Variants in ITGB1 observed in about 807,000 individuals in gnomAD.
The protein encoded by ITGB1 is integrin beta-1.
In ITGB1, 24 loss-of-function variants were observed where a neutral mutation model predicts 86.5. The observed-to-expected ratio is 0.28, with a 90% CI of 0.20 to 0.39. The LOEUF (loss-of-function observed/expected upper bound fraction) is 0.39, where lower values mean the gene tolerates loss of function less well. Among genes scored for constraint, ITGB1 ranks in the 10% least tolerant of loss-of-function variants. The probability of loss-of-function intolerance (pLI) is 1.00; values close to 1 mark genes in which losing one functional copy is unlikely to be tolerated. For synonymous variants in ITGB1, 323 were observed against 316.8 expected, an observed-to-expected ratio of 1.02 and a Z score of -0.21; for missense variants, 556 against 946.9, an observed-to-expected ratio of 0.59 and a Z score of 5.42.
At chr10:32,936,795 A>G (rs2095003369) in intron 1 of ITGB1, among the ~76,000 whole-genome samples, 1 of 152,192 alleles carries the variant, frequency 6.6e-6, no homozygotes, top group South Asian at 2.1e-4. Context: ...CCAATCTAAT[A>G]ATTATATATA....
intron 11 of ITGB1, among the ~76,000 whole-genome samples, chr10:32,918,749 AG>A (rs1273709099): frequency 7.9e-5 from 12 of 152,244 alleles, no homozygotes; most frequent in South Asian, 2.1e-4. Context: ...TTACTATTCC[AG>A]GTGAACTGTC....
intron 1 of ITGB1, among the ~76,000 whole-genome samples, chr10:32,944,026 A>G (rs2095025274): frequency 6.6e-6 from 1 of 152,214 alleles, no homozygotes; most frequent in Non-Finnish European, 1.5e-5. Flanking sequence ...GCACGTGCCC[A>G]GGGACAGACA....
chr10:32,944,617 G>C (rs1159176265), intron 1 of ITGB1: 10 of 585,596 alleles, frequency 1.7e-5, no homozygotes, highest in Non-Finnish European at 3.3e-5. Context: ...CCCTATATGA[G>C]CTGAAAAATC....
In ITGB1 at chr10:32,956,153, C is replaced by T. The variant is rs527536596; in HGVS notation, c.-1+1992G>A. ...TTTAACACTTCACCATCTTCAGTCA[C>T]TTATATAATATTGATCAATGAGTCA... is the stretch of plus-strand genomic sequence containing the variant. On this transcript the variant is annotated intron_variant, in intron 1 of 15. Transcript: ENST00000302278. Among the ~76,000 whole-genome samples the T allele has an allele frequency of 2.3e-4, 35 of 152,276 alleles. 1 individual carries two copies. The South Asian group carries it at 7.3e-3, about 32-fold the overall frequency.
At chr10:32,934,551 T>C (rs912449927) in intron 2 of ITGB1, among the ~76,000 whole-genome samples, 4 of 152,148 alleles carry the variant, frequency 2.6e-5, no homozygotes, top group African/African-American at 9.7e-5. Flanking sequence ...CAAATACCAT[T>C]TTACCACATT....
Position 32,935,483 on chromosome 10 carries a change from T to C in ITGB1, c.67+9A>G. ...TGAAAAGACAACTAAGAAAATTTTT[T>C]GTTTTTACCTGTTTGAGCAAACACA... is the stretch of plus-strand genomic sequence containing the variant. On this transcript the variant is annotated intron_variant, in intron 2 of 15. Coordinates refer to ENST00000302278, the MANE Select transcript of ITGB1 (RefSeq NM_002211.4). The C allele has an allele frequency of 6.2e-7, 1 of 1,601,238 alleles. No homozygotes were observed. The highest frequency in any genetic ancestry group is 8.6e-7 in the Non-Finnish European group (1 of 1,168,514).
chr10:32,922,364 A>AAC lies in ITGB1; in HGVS notation c.1039-20_1039-19dup. The stretch of plus-strand genomic sequence containing the variant: ...TTCAGCTCCTGCAATTAAAAGATAA[A>AAC]ACACGTAAAATACAACTGCTATTCA... On this transcript the variant is annotated intron_variant, in intron 8 of 15. Coordinates refer to ENST00000302278, the MANE Select transcript of ITGB1 (RefSeq NM_002211.4). 2 of 1,531,150 alleles carry AAC rather than the reference A, an allele frequency of 1.3e-6. No individual in the cohort carries two copies. Among genetic ancestry groups the AAC allele is most frequent in the Non-Finnish European group, 1.8e-6 (2 of 1,107,888 alleles). The allele number at this position is 1,531,150 out of a possible 1,614,324, so 94.8% of individuals were successfully genotyped here. A position where few individuals can be genotyped will look rare whatever the true frequency, so the allele number is the denominator to read the frequency against.
At chr10:32,947,674 A>G (rs959815691) in intron 1 of ITGB1, among the ~76,000 whole-genome samples, 1 of 152,158 alleles carries the variant, frequency 6.6e-6, no homozygotes, top group East Asian at 1.9e-4. Flanking sequence ...ACTAACGATA[A>G]AAACAACTGG....
intron 1 of ITGB1, among the ~76,000 whole-genome samples, chr10:32,955,036 T>C (rs914970583): frequency 4.6e-5 from 7 of 152,194 alleles, no homozygotes; most frequent in African/African-American, 1.7e-4. Context: ...GCTGCTAATA[T>C]TCTGACTTTT....
rs11009146 is a variant in ITGB1 at position 32,920,079 on chromosome 10, T to C, written c.1275A>G (p.Gln425=). The change falls in exon 11 of 16, where the codon CAA becomes CAG. Residue 425 remains glutamine (Q), a synonymous_variant. Transcript: ENST00000302278. Reference sequence around the variant, plus strand: ...TATTTGAAGTTATGCTAATTTCAAATTGAACCTTGAAGGGAAAAAAAAGAT... The same window carrying C: ...TATTTGAAGTTATGCTAATTTCAAACTGAACCTTGAAGGGAAAAAAAAGAT... ...CSNISIGDEV[Q]FEISITSNKC... 3.7e-5 allele frequency: 60 copies of C among 1,612,990 alleles called. No homozygotes were observed. Among genetic ancestry groups the C allele is most frequent in the Middle Eastern group, 3.3e-4 (2 of 6,062 alleles).
intron 15 of ITGB1, among the ~76,000 whole-genome samples, chr10:32,906,882 A>T (rs1431519266): frequency 6.6e-6 from 1 of 152,218 alleles, no homozygotes; most frequent in Non-Finnish European, 1.5e-5. Flanking sequence ...CTGTTTCTAT[A>T]TCACATTACT....
At chr10:32,940,464 A>C (rs1352831358) in intron 1 of ITGB1, among the ~76,000 whole-genome samples, 2 of 152,232 alleles carry the variant, frequency 1.3e-5, no homozygotes, top group Non-Finnish European at 2.9e-5. Flanking sequence ...GACTGGCAGC[A>C]TGGTCGATTT....
chr10:32,906,515 G>T, intron 15 of ITGB1: 1 of 220,644 alleles, frequency 4.5e-6, no homozygotes, highest in Non-Finnish European at 9.7e-6. Context: ...GCTGGAATCT[G>T]GAAGTCAGAG....
chr10:32,911,351 A>G (rs2094912600), intron 13 of ITGB1, 97 bp downstream of exon 13: 2 of 1,024,488 alleles, frequency 2.0e-6, no homozygotes, highest in East Asian at 2.5e-5. Context: ...TTTACAGTAT[A>G]TTTTAATATT....
intron 1 of ITGB1, among the ~76,000 whole-genome samples, chr10:32,941,693 A>C (rs1211894992): frequency 6.6e-6 from 1 of 152,218 alleles, no homozygotes; most frequent in Non-Finnish European, 1.5e-5. Flanking sequence ...TACAGAATTT[A>C]CTGCAAAGGT....
intron 1 of ITGB1, among the ~76,000 whole-genome samples, chr10:32,952,028 CCT>C (rs2095043642): frequency 3.9e-5 from 6 of 152,180 alleles, no homozygotes; most frequent in Admixed American, 3.9e-4. Flanking sequence ...GTCACATCTT[CCT>C]CTCCATCCTG....
At chr10:32,918,236 C>T (rs2094938157) in intron 11 of ITGB1, among the ~76,000 whole-genome samples, 1 of 151,968 alleles carries the variant, frequency 6.6e-6, no homozygotes, top group African/African-American at 2.4e-5. Context: ...GGAGATATAC[C>T]TAATGTAAAT....
At chr10:32,921,371 A>AT (rs1242711403) in intron 9 of ITGB1, among the ~76,000 whole-genome samples, 1 of 152,210 alleles carries the variant, frequency 6.6e-6, no homozygotes, top group African/African-American at 2.4e-5. Context: ...AAAAACCTTT[A>AT]TAAAAACCCC....
intron 15 of ITGB1, among the ~76,000 whole-genome samples, chr10:32,905,765 G>C (rs1338876185): frequency 6.6e-6 from 1 of 152,198 alleles, no homozygotes; most frequent in Non-Finnish European, 1.5e-5. Flanking sequence ...CTGAGACACA[G>C]TGATTTTTAT....
Sources: allele counts gnomAD v4.1 joint callset (sites outside exome capture counted in the v4.1 genomes callset), GRCh38; gene constraint gnomAD v4.1.1; transcripts MANE v1.5; gene names NCBI Gene and HGNC (gene_info 2026-07-23, HGNC 2026-07-21).